TRIM3: variants seen among roughly 807,000 people sequenced by gnomAD.
TRIM3 encodes the protein tripartite motif-containing protein 3.
TRIM3 carries 13 observed loss-of-function variants against 66.6 expected under a neutral mutation model. The ratio of observed to expected loss-of-function variants is 0.20; its 90% CI spans 0.13 to 0.31. The LOEUF (loss-of-function observed/expected upper bound fraction) is 0.31, where lower values mean the gene tolerates loss of function less well. Ranked by LOEUF, TRIM3 falls within the 10% of genes least tolerant of loss-of-function variation. The pLI is 1.00. For synonymous variants in TRIM3, 406 were observed against 411.7 expected, an observed-to-expected ratio of 0.99 and a Z score of 0.17; for missense variants, 711 against 1,020.4, an observed-to-expected ratio of 0.70 and a Z score of 4.13.
Position 6,465,502 on chromosome 11 carries a change from G to T in TRIM3, c.131+63C>A, listed in dbSNP as rs1361164644. 3 of 1,592,780 alleles carry T rather than the reference G, an allele frequency of 1.9e-6. No homozygotes were observed. The African/African-American group carries it at 4.1e-5, about 22-fold the overall frequency. ...CATGCTCCCTCACCCTCCCCACAGG[G>T]GAGGAGGATCCTCATCCTCCCCACA... On this transcript the variant is annotated intron_variant, in intron 2 of 11. Coordinates refer to ENST00000345851, the MANE Select transcript of TRIM3 (RefSeq NM_033278.4).
Position 6,456,053 on chromosome 11 carries a change from G to A in TRIM3, c.1533+19C>T. ...AAACTCTTATTTTGGTGGTGGAGGA[G>A]AGCGGTAAAGGTGCTTACCTGAATA... On this transcript the variant is annotated intron_variant, in intron 7 of 11. Coordinates refer to ENST00000345851, the MANE Select transcript of TRIM3 (RefSeq NM_033278.4). The surrounding 1 kb of genome is among the most constrained non-coding windows in gnomAD (Gnocchi z 6.4). 1.2e-6 allele frequency: 2 copies of A among 1,609,114 alleles called. No individual in the cohort carries two copies. The highest frequency in any genetic ancestry group is 1.7e-6 in the Non-Finnish European group (2 of 1,175,444).
At chr11:6,464,878 T>C (rs1023099416) in intron 2 of TRIM3, among the ~76,000 whole-genome samples, 1 of 149,160 alleles carries the variant, frequency 6.7e-6, no homozygotes, top group Non-Finnish European at 1.5e-5. Flanking sequence ...TCCCAGCTAC[T>C]CCGGAGGCTG....
chr11:6,467,431 G>A (rs531703151), intron 1 of TRIM3, among the ~76,000 whole-genome samples: 1 of 152,276 alleles, frequency 6.6e-6, no homozygotes, highest in South Asian at 2.1e-4. Context: ...TGGGAAGATA[G>A]GTAGAGATGA....
chr11:6,464,272 A>G (rs993625652), intron 2 of TRIM3, among the ~76,000 whole-genome samples: 2 of 152,106 alleles, frequency 1.3e-5, no homozygotes, highest in African/African-American at 4.8e-5. Context: ...CTCTAGCCCT[A>G]CCAGGCTTCC....
At position 6,451,412 on chromosome 11, in the gene TRIM3, C is replaced by T. The variant is rs533741821; in HGVS notation, c.1560G>A (p.Lys520=). 5 of 1,614,190 alleles carry T rather than the reference C, an allele frequency of 3.1e-6. No homozygotes were observed. In the African/African-American group the frequency reaches 4.0e-5, roughly 13 times the overall value. ...IQVFSNEGQF[K]FRFGVRGRSP... ...AGCGTCCTCGGACCCCAAAACGGAA[C>T]TTGAACTGGCCCTCATTGGAGAAAA... Residue 520 remains lysine (K), a synonymous_variant, in exon 8 of 12, where the codon AAG becomes AAA. Coordinates refer to ENST00000345851, the MANE Select transcript of TRIM3 (RefSeq NM_033278.4).
At position 6,473,871 on chromosome 11, in the gene TRIM3, C is replaced by G. The variant is rs1247422198; in HGVS notation, c.-118G>C. 1.3e-5 allele frequency: 2 copies of G among 152,214 alleles called. No individual in the cohort carries two copies. Among genetic ancestry groups the G allele is most frequent in the Non-Finnish European group, 2.9e-5 (2 of 68,046 alleles). The allele number at this position is 152,214 out of a possible 1,614,324, so 9.4% of individuals were successfully genotyped here. A position where few individuals can be genotyped will look rare whatever the true frequency, so the allele number is the denominator to read the frequency against. Reference sequence around the variant, plus strand: ...CGCGGCGCTGCTACTGCTGCCAGCGCCCGTCCGCCCGGCCCTGCCCGCGCC... The same window carrying G: ...CGCGGCGCTGCTACTGCTGCCAGCGGCCGTCCGCCCGGCCCTGCCCGCGCC... On this transcript the variant is annotated 5_prime_UTR_variant, in exon 1 of 12. Transcript: ENST00000345851.
intron 2 of TRIM3, among the ~76,000 whole-genome samples, chr11:6,464,592 A>G (rs897920170): frequency 6.6e-6 from 1 of 152,232 alleles, no homozygotes; most frequent in African/African-American, 2.4e-5. Context: ...AAGCATTGTA[A>G]GTGATGGATA....
chr11:6,460,994 C>G (rs1008423734), intron 2 of TRIM3, among the ~76,000 whole-genome samples: 2 of 149,322 alleles, frequency 1.3e-5, no homozygotes, highest in African/African-American at 2.5e-5. Context: ...CAACCTCCAC[C>G]TCCCGGGTTC....
intron 7 of TRIM3, 72 bp downstream of exon 7, chr11:6,456,000 T>G: frequency 6.9e-7 from 1 of 1,456,140 alleles, no homozygotes. Flanking sequence ...ACCTGTACAT[T>G]CTATCTTTTC....
chr11:6,457,928 C>T lies in TRIM3; in HGVS notation c.364-81G>A. The T allele has an allele frequency of 6.3e-7, 1 of 1,582,500 alleles. No individual in the cohort carries two copies. The highest frequency in any genetic ancestry group is 8.6e-7 in the Non-Finnish European group (1 of 1,161,482). ...CTCCCCACCTGCCCTCCCTGCCCCT[C>T]ACCTTCTAAGTGCACCCCCTACCTG... is the stretch of plus-strand genomic sequence containing the variant. On this transcript the variant is annotated intron_variant, in intron 3 of 11. Coordinates refer to ENST00000345851, the MANE Select transcript of TRIM3 (RefSeq NM_033278.4). The surrounding 1 kb of genome is among the most constrained non-coding windows in gnomAD (Gnocchi z 4.5).
chr11:6,454,459 G>A (rs1849882700), intron 7 of TRIM3, among the ~76,000 whole-genome samples: 1 of 151,684 alleles, frequency 6.6e-6, no homozygotes, highest in Non-Finnish European at 1.5e-5. Flanking sequence ...TTGTTTTTCT[G>A]TGCATGTGAG....
Position 6,449,242 on chromosome 11 carries a change from G to C in TRIM3, c.2083-62C>G. 14 of 1,609,498 alleles carry C rather than the reference G, an allele frequency of 8.7e-6. No homozygotes were observed. Among genetic ancestry groups the C allele is most frequent in the Non-Finnish European group, 1.2e-5 (14 of 1,176,086 alleles). On this transcript the variant is annotated intron_variant, in intron 11 of 11. Transcript: ENST00000345851. This position sits in a 1 kb window ranked among gnomAD's most constrained non-coding sequence, Gnocchi z 5.3. ...TCAGGCAGATGAGAGTCTGTTTTGG[G>C]GGAACGGGCATATGGGACACACCAG...
rs770362678 is a variant in TRIM3, at chr11:6,456,370, C to T, written c.1356G>A (p.Arg452=). The T allele has an allele frequency of 2.0e-6, 3 of 1,532,542 alleles. No individual in the cohort carries two copies. The African/African-American group carries it at 4.1e-5, about 21-fold the overall frequency. The allele number at this position is 1,532,542 out of a possible 1,614,324, so 94.9% of individuals were successfully genotyped here. Reference sequence around the variant, plus strand: ...CGCCTGTGCTGTACATGGAGCTGGGCCTACGCACTGCCTTCTGGCGCACAT... The same window carrying T: ...CGCCTGTGCTGTACATGGAGCTGGGTCTACGCACTGCCTTCTGGCGCACAT... ...GSHVRQKAVR[R]PSSMYSTGGK... Residue 452 remains arginine (R), a synonymous_variant, in exon 6 of 12, where the codon AGG becomes AGA. Coordinates refer to ENST00000345851, the MANE Select transcript of TRIM3 (RefSeq NM_033278.4). This position sits in a 1 kb window ranked among gnomAD's most constrained non-coding sequence, Gnocchi z 6.4.
Position 6,450,016 on chromosome 11 carries a change from G to A in TRIM3, c.1941+535C>T, listed in dbSNP as rs141650905. 209 of 159,842 alleles carry A rather than the reference G, an allele frequency of 1.3e-3. 1 individual carries two copies. The highest frequency in any genetic ancestry group is 4.8e-3 in the African/African-American group (198 of 41,648). 9.9% of individuals were successfully genotyped at this position (159,842 alleles called of 1,614,324 possible). A position where few individuals can be genotyped will look rare whatever the true frequency, so the allele number is the denominator to read the frequency against. ...TTGGGAGGAGAGCAAGCCCCTTAAG[G>A]GGGCACACAAGCCTCACTCTCAGCT... On this transcript the variant is annotated intron_variant, in intron 10 of 11. Transcript: ENST00000345851. The surrounding 1 kb of genome is among the most constrained non-coding windows in gnomAD (Gnocchi z 4.8).
At position 6,458,471 on chromosome 11, in the gene TRIM3, T is replaced by C. The variant is rs1223628321; in HGVS notation, c.132-175A>G. ...CAGCAGGTATAATGGCCTTGCCCCT[T>C]ACAACTGAGTAGGAACACACCCCGA... On this transcript the variant is annotated intron_variant, in intron 2 of 11. Transcript: ENST00000345851. This position sits in a 1 kb window ranked among gnomAD's most constrained non-coding sequence, Gnocchi z 6.2. The C allele has an allele frequency of 1.7e-6, 1 of 600,388 alleles. No individual in the cohort carries two copies. The highest frequency in any genetic ancestry group is 3.0e-6 in the Non-Finnish European group (1 of 337,968). The allele number at this position is 600,388 out of a possible 1,614,324, so 37.2% of individuals were successfully genotyped here.
intron 2 of TRIM3, among the ~76,000 whole-genome samples, chr11:6,459,028 T>C (rs557926167): frequency 1.3e-4 from 20 of 152,146 alleles, no homozygotes; most frequent in Non-Finnish European, 2.8e-4. Flanking sequence ...ATTATTAATA[T>C]AAGGAATGAT....
intron 1 of TRIM3, among the ~76,000 whole-genome samples, chr11:6,470,980 T>C (rs1564977489): frequency 6.6e-6 from 1 of 152,188 alleles, no homozygotes; most frequent in African/African-American, 2.4e-5. Context: ...GAGGCTTTCA[T>C]TAACCTCAGA....
Position 6,457,175 on chromosome 11 carries a change from T to C in TRIM3, c.696+121A>G, listed in dbSNP as rs932124927. ...ATGCCCACAGCACCTACCGAGGGCA[T>C]GTCAGGAGGCAGAATATCTAGGCTG... On this transcript the variant is annotated intron_variant, in intron 5 of 11. Transcript: ENST00000345851. This position sits in a 1 kb window ranked among gnomAD's most constrained non-coding sequence, Gnocchi z 4.5. 21 of 1,518,816 alleles carry C rather than the reference T, an allele frequency of 1.4e-5. No homozygotes were observed. Among genetic ancestry groups the C allele is most frequent in the East Asian group, 2.3e-5 (1 of 44,238 alleles). 94.1% of individuals were successfully genotyped at this position (1,518,816 alleles called of 1,614,324 possible).
chr11:6,470,762 G>A (rs1002772205), intron 1 of TRIM3, among the ~76,000 whole-genome samples: 4 of 152,238 alleles, frequency 2.6e-5, no homozygotes, highest in African/African-American at 7.2e-5. Context: ...AGAGGGTAAA[G>A]AGAGAAAGGA....
Sources: gnomAD v4.1 joint callset for allele counts (sites outside exome capture counted in the v4.1 genomes callset) on GRCh38, gnomAD v4.1.1 for gene constraint, Gnocchi (gnomAD v3.1) non-coding constraint, MANE v1.5 for transcripts, NCBI Gene and HGNC (gene_info 2026-07-23, HGNC 2026-07-21) for gene names.